Variants in MYH4 observed in about 807,000 individuals in gnomAD.
The protein encoded by MYH4 is myosin-4.
MYH4 carries 200 observed loss-of-function variants against 229.9 expected under a neutral mutation model. The ratio of observed to expected loss-of-function variants is 0.87; its 90% CI spans 0.78 to 0.98. The LOEUF (loss-of-function observed/expected upper bound fraction) is 0.98, where lower values mean the gene tolerates loss of function less well. Among genes scored for constraint, MYH4 ranks in the 50% least tolerant of loss-of-function variants. MYH4 has a pLI of 0.00. For missense variants in MYH4, 2,148 were observed against 2,332.6 expected (o/e 0.92, Z 1.63); for synonymous variants, 761 against 834.6 (o/e 0.91, Z 1.52).
rs2072677214 is a variant in MYH4 at position 10,459,433 on chromosome 17, G to A, written c.1417-12C>T. The A allele has an allele frequency of 6.2e-7, 1 of 1,614,030 alleles. No homozygotes were observed. Among genetic ancestry groups the A allele is most frequent in the Admixed American group, 1.7e-5 (1 of 59,998 alleles). On this transcript the variant is annotated splice_polypyrimidine_tract_variant and intron_variant, in intron 14 of 39. Transcript: ENST00000255381. ...TCCAGGCTGTTGAACTACAGAACAA[G>A]ATAAATATAGGAAATTACGCATAAC... is the stretch of plus-strand genomic sequence containing the variant.
intron 39 of MYH4, among the ~76,000 whole-genome samples, chr17:10,444,074 A>G (rs2072484891): frequency 6.6e-6 from 1 of 152,196 alleles, no homozygotes; most frequent in African/African-American, 2.4e-5. Context: ...AAGAGGCTGC[A>G]GTGATAACTG....
rs1437950327 is a variant in MYH4 at position 10,465,439 on chromosome 17, C to T, written c.505+3G>A. 1 of 1,613,426 alleles carries T rather than the reference C, an allele frequency of 6.2e-7. No individual in the cohort carries two copies. ...GGCTATGGAAATTGTAATTCTCACT[C>T]ACCAGTTAGCATGAACTGATAGGCA... is the stretch of plus-strand genomic sequence containing the variant. On this transcript the variant is annotated splice_donor_region_variant and intron_variant, in intron 5 of 39. Transcript: ENST00000255381.
At chr17:10,452,590 C>A in intron 25 of MYH4, 84 bp from the exon 26 acceptor site, 1 of 1,381,866 alleles carries the variant, frequency 7.2e-7, no homozygotes, top group South Asian at 1.2e-5. Flanking sequence ...TTTTTTTATA[C>A]TGCTGGTGTT....
At chr17:10,453,444 A>G in intron 23 of MYH4, 116 bp from the exon 24 acceptor site, 1 of 1,578,226 alleles carries the variant, frequency 6.3e-7, no homozygotes, top group South Asian at 1.2e-5. Context: ...GAGAACCAGG[A>G]GCTAACCCAG....
Position 10,457,568 on chromosome 17 carries a change from C to A in MYH4, c.1749G>T (p.Val583=), listed in dbSNP as rs760711747. ...TGTAGTCCACGGTGCCGGCATAGTG[C>A]ACCAGTGAGAAGTGAGCCTCAGGCT... ...KGKPEAHFSL[V]HYAGTVDYNI... Residue 583 remains valine, a synonymous_variant, in exon 16 of 40, where the codon GTG becomes GTT. Coordinates refer to ENST00000255381, the MANE Select transcript of MYH4 (RefSeq NM_017533.2). 5 of 1,614,078 alleles carry A rather than the reference C, an allele frequency of 3.1e-6. 1 individual carries two copies. The highest frequency in any genetic ancestry group is 4.2e-6 in the Non-Finnish European group (5 of 1,180,038).
Position 10,444,908 on chromosome 17 carries a change from G to C in MYH4, c.5467-9C>G, listed in dbSNP as rs765916631. On this transcript the variant is annotated splice_polypyrimidine_tract_variant and intron_variant, in intron 37 of 39. Coordinates refer to ENST00000255381, the MANE Select transcript of MYH4 (RefSeq NM_017533.2). ...CTTTCAAGCTCTCTCACCTGGAAGG[G>C]AACAAAGACGTTTACCAGTTTGGCT... is the stretch of plus-strand genomic sequence containing the variant. 1 of 1,614,050 alleles carries C rather than the reference G, an allele frequency of 6.2e-7. No homozygotes were observed. The highest frequency in any genetic ancestry group is 8.5e-7 in the Non-Finnish European group (1 of 1,180,010).
chr17:10,459,456 A>G, intron 14 of MYH4, 35 bp from the exon 15 acceptor site: 2 of 1,614,180 alleles, frequency 1.2e-6, no homozygotes. Flanking sequence ...AATTACGCAT[A>G]ACAAGTATTC....
intron 14 of MYH4, 131 bp downstream of exon 14, chr17:10,459,821 T>A: frequency 6.5e-7 from 1 of 1,536,702 alleles, no homozygotes; most frequent in Non-Finnish European, 8.8e-7. Flanking sequence ...TTACTTTTCA[T>A]ATCTTTTCAA....
rs565775501 is a variant in MYH4, at chr17:10,457,082, C to T, written c.1897+338G>A. 2.0e-5 allele frequency among the ~76,000 whole-genome samples: 3 copies of T among 152,340 alleles called. No individual in the cohort carries two copies. In the South Asian group the frequency reaches 6.2e-4, roughly 32 times the overall value. ...GCACTAGGGCCCTGACAAAGGATTTCCTTATCTCCAGCCTAGCTGGAGAAC... is the reference window on the plus strand; with the variant it reads ...GCACTAGGGCCCTGACAAAGGATTTTCTTATCTCCAGCCTAGCTGGAGAAC... On this transcript the variant is annotated intron_variant, in intron 16 of 39. Transcript: ENST00000255381.
Position 10,452,714 on chromosome 17 carries a change from G to A in MYH4, c.3257+73C>T, listed in dbSNP as rs1215223666. 4.7e-6 allele frequency: 7 copies of A among 1,483,560 alleles called. No homozygotes were observed. The African/African-American group carries it at 8.5e-5, about 18-fold the overall frequency. The allele number at this position is 1,483,560 out of a possible 1,614,324, so 91.9% of individuals were successfully genotyped here. On this transcript the variant is annotated intron_variant, in intron 25 of 39. Transcript: ENST00000255381. Reference sequence around the variant, plus strand: ...ATATGTCATGATGTAACATTTTGGAGATCTTTTTAGCGTATGTTTCATTTG... The same window carrying A: ...ATATGTCATGATGTAACATTTTGGAAATCTTTTTAGCGTATGTTTCATTTG...
chr17:10,460,715 T>A (rs2072692077), intron 12 of MYH4, among the ~76,000 whole-genome samples: 1 of 152,246 alleles, frequency 6.6e-6, no homozygotes, highest in African/African-American at 2.4e-5. Flanking sequence ...TATGAGCTTA[T>A]GAAAAGCCAA....
intron 22 of MYH4, 49 bp from the exon 23 acceptor site, chr17:10,453,934 G>T (rs1341439818): frequency 6.2e-7 from 1 of 1,602,642 alleles, no homozygotes; most frequent in Non-Finnish European, 8.5e-7. Context: ...ATATCTATAA[G>T]CACACAATAA....
chr17:10,465,303 A>C, intron 5 of MYH4, 139 bp downstream of exon 5: 1 of 1,214,408 alleles, frequency 8.2e-7, no homozygotes, highest in South Asian at 1.7e-5. Flanking sequence ...TTTATTCTAA[A>C]TATATTTCCC....
At chr17:10,467,307 G>A (rs78403869) in intron 2 of MYH4, among the ~76,000 whole-genome samples, 2,353 of 152,180 alleles carry the variant, frequency 0.015, 68 homozygotes, top group East Asian at 0.082. Flanking sequence ...ATTGAATGTA[G>A]ACAGATACAC....
intron 23 of MYH4, 129 bp from the exon 24 acceptor site, chr17:10,453,457 C>T: frequency 3.8e-6 from 6 of 1,560,464 alleles, no homozygotes. Flanking sequence ...TAACCCAGGC[C>T]TATAATGGCT....
chr17:10,464,645 G>T (rs1184766983), intron 6 of MYH4, 36 bp downstream of exon 6: 1 of 1,612,994 alleles, frequency 6.2e-7, no homozygotes, highest in African/African-American at 1.3e-5. Flanking sequence ...CCACTACAAT[G>T]ATCAAAACAG....
At chr17:10,457,761 G>C (rs372735969) in intron 15 of MYH4, 32 bp from the exon 16 acceptor site, 9 of 1,589,060 alleles carry the variant, frequency 5.7e-6, no homozygotes, top group Non-Finnish European at 6.9e-6. Context: ...TGATAATGAT[G>C]AGTCCCTCAG....
At chr17:10,456,400 A>G (rs2072638484) in intron 17 of MYH4, 85 bp downstream of exon 17, 9 of 1,133,698 alleles carry the variant, frequency 7.9e-6, no homozygotes, top group Middle Eastern at 2.0e-4. Context: ...CACTTTCACC[A>G]TAAATATCTT....
rs1420415131 is a variant in MYH4, at chr17:10,455,904, G to A, written c.1969-3C>T. The stretch of plus-strand genomic sequence containing the variant: ...GTCATCAGCTTATTCAAATTCTCCT[G>A]TGGAACCATATGAAAAGTTTTAAAA... On this transcript the variant is annotated splice_polypyrimidine_tract_variant and splice_region_variant and intron_variant, in intron 17 of 39. Coordinates refer to ENST00000255381, the MANE Select transcript of MYH4 (RefSeq NM_017533.2). 6.2e-7 allele frequency: 1 copy of A among 1,614,184 alleles called. No homozygotes were observed. Among genetic ancestry groups the A allele is most frequent in the Admixed American group, 1.7e-5 (1 of 60,030 alleles).
Sources: gnomAD v4.1 joint callset for allele counts (sites outside exome capture counted in the v4.1 genomes callset) on GRCh38, gnomAD v4.1.1 for gene constraint, MANE v1.5 for transcripts, NCBI Gene and HGNC (gene_info 2026-07-23, HGNC 2026-07-21) for gene names.